Variants in TNR observed in about 807,000 individuals in gnomAD.
TNR encodes tenascin R, also known as tenascin-R.
A neutral mutation model predicts 150.4 loss-of-function variants in TNR; 45 were observed. The ratio of observed to expected loss-of-function variants is 0.30; its 90% CI spans 0.24 to 0.38. TNR has a LOEUF of 0.38. Among genes scored for constraint, TNR ranks in the 10% least tolerant of loss-of-function variants. TNR has a pLI of 1.00. For missense variants in TNR, 1,544 were observed against 1,759.1 expected, an observed-to-expected ratio of 0.88 and a Z score of 2.19; for synonymous variants, 687 against 678.4, an observed-to-expected ratio of 1.01 and a Z score of -0.20.
At chr1:175,554,590 G>A (rs997653431) in intron 1 of TNR, among the ~76,000 whole-genome samples, 6 of 152,298 alleles carry the variant, frequency 3.9e-5, no homozygotes, top group Non-Finnish European at 8.8e-5. Flanking sequence ...GCAAAATTGT[G>A]TTTGCCAAGA....
intron 1 of TNR, among the ~76,000 whole-genome samples, chr1:175,607,717 C>G (rs944036318): frequency 2.0e-5 from 3 of 152,192 alleles, no homozygotes; most frequent in Non-Finnish European, 4.4e-5. Context: ...GAAGGGCCAA[C>G]AGTGATGGAG....
chr1:175,348,051 A>G (rs1650881322), intron 18 of TNR, among the ~76,000 whole-genome samples: 1 of 152,230 alleles, frequency 6.6e-6, no homozygotes, highest in South Asian at 2.1e-4. Context: ...AAGAGAGTTC[A>G]GCAGGATTGC....
intron 1 of TNR, among the ~76,000 whole-genome samples, chr1:175,610,404 G>A (rs1663555774): frequency 6.6e-6 from 1 of 152,226 alleles, no homozygotes; most frequent in Non-Finnish European, 1.5e-5. Context: ...TGAAGGATTA[G>A]CTAAACAGCT....
At chr1:175,709,342 C>CAT (rs1491324215) in intron 1 of TNR, among the ~76,000 whole-genome samples, 1 of 151,658 alleles carries the variant, frequency 6.6e-6, no homozygotes, top group African/African-American at 2.4e-5. Flanking sequence ...CACACACACA[C>CAT]GCACTTCCAA....
At chr1:175,356,972 G>A (rs902699020) in intron 15 of TNR, among the ~76,000 whole-genome samples, 1 of 152,226 alleles carries the variant, frequency 6.6e-6, no homozygotes, top group African/African-American at 2.4e-5. Context: ...AACAGGGTCA[G>A]TCTGTGCTTG....
intron 1 of TNR, among the ~76,000 whole-genome samples, chr1:175,653,842 G>C (rs1010061774): frequency 6.6e-6 from 1 of 151,854 alleles, no homozygotes; most frequent in Non-Finnish European, 1.5e-5. Flanking sequence ...CTTGAATGTG[G>C]GTTTTGTTAG....
intron 2 of TNR, among the ~76,000 whole-genome samples, chr1:175,523,611 C>A (rs571971527): frequency 2.0e-5 from 3 of 152,258 alleles, no homozygotes; most frequent in East Asian, 1.9e-4. Context: ...TCATGGAGAA[C>A]GGAGGAGATT....
intron 1 of TNR, among the ~76,000 whole-genome samples, chr1:175,626,978 T>C (rs1664175013): frequency 6.6e-6 from 1 of 152,216 alleles, no homozygotes; most frequent in South Asian, 2.1e-4. Context: ...CCCCAGAAGC[T>C]GGAAGAGCAA....
At chr1:175,508,252 T>C (rs1251462884) in intron 2 of TNR, among the ~76,000 whole-genome samples, 1 of 152,232 alleles carries the variant, frequency 6.6e-6, no homozygotes, top group African/African-American at 2.4e-5. Context: ...GTTCTGCATA[T>C]GTATCCTAGA....
intron 22 of TNR, 141 bp downstream of exon 22, chr1:175,324,215 C>T: frequency 2.0e-6 from 2 of 982,226 alleles, no homozygotes; most frequent in Non-Finnish European, 3.0e-6. Context: ...ATCCCATTGT[C>T]TGCATTATTT....
At chr1:175,366,984 G>T (rs907649087) in intron 10 of TNR, among the ~76,000 whole-genome samples, 1 of 152,164 alleles carries the variant, frequency 6.6e-6, no homozygotes, top group Non-Finnish European at 1.5e-5. Context: ...CAGACCACGG[G>T]GGACCGAGCA....
At chr1:175,650,638 T>C (rs944816827) in intron 1 of TNR, among the ~76,000 whole-genome samples, 15 of 145,392 alleles carry the variant, frequency 1.0e-4, no homozygotes, top group South Asian at 2.3e-4. Context: ...CACCTCAATA[T>C]TACCCATCAA....
intron 2 of TNR, among the ~76,000 whole-genome samples, chr1:175,410,420 A>G (rs764598456): frequency 2.6e-5 from 4 of 152,242 alleles, no homozygotes; most frequent in Admixed American, 6.5e-5. Flanking sequence ...CACAAGCAAT[A>G]TAACGACAAT....
At chr1:175,331,184 TCC>T (rs771761443) in intron 20 of TNR, among the ~76,000 whole-genome samples, 5 of 62,056 alleles carry the variant, frequency 8.1e-5, no homozygotes, top group Admixed American at 2.4e-4. Context: ...CTTCCTTCCT[TCC>T]TTCCTTCCTT....
At chr1:175,448,009 T>C (rs1442193755) in intron 2 of TNR, among the ~76,000 whole-genome samples, 1 of 152,166 alleles carries the variant, frequency 6.6e-6, no homozygotes, top group East Asian at 1.9e-4. Context: ...GCTCATTGCT[T>C]TCCACTAGGA....
chr1:175,702,555 A>G (rs1666727775), intron 1 of TNR, among the ~76,000 whole-genome samples: 1 of 152,228 alleles, frequency 6.6e-6, no homozygotes, highest in South Asian at 2.1e-4. Flanking sequence ...TGGTTATCCC[A>G]TGCTGAAATG....
At chr1:175,551,737 T>C (rs997398509) in intron 1 of TNR, among the ~76,000 whole-genome samples, 17 of 152,230 alleles carry the variant, frequency 1.1e-4, no homozygotes, top group Non-Finnish European at 2.2e-4. Flanking sequence ...AGAAATGTGA[T>C]CATTGGTCTC....
At chr1:175,650,257 C>T (rs1249237036) in intron 1 of TNR, among the ~76,000 whole-genome samples, 1 of 151,980 alleles carries the variant, frequency 6.6e-6, no homozygotes, top group East Asian at 1.9e-4. Flanking sequence ...GTGGAGCATG[C>T]CTGTAATTCC....
intron 5 of TNR, among the ~76,000 whole-genome samples, chr1:175,395,224 C>G (rs1389512720): frequency 6.6e-6 from 1 of 152,186 alleles, no homozygotes; most frequent in Non-Finnish European, 1.5e-5. Flanking sequence ...TGTCTCTATC[C>G]TTGCATCCTT....
Sources: allele counts gnomAD v4.1 joint callset (sites outside exome capture counted in the v4.1 genomes callset), GRCh38; gene constraint gnomAD v4.1.1; transcripts MANE v1.5; gene names NCBI Gene and HGNC (gene_info 2026-07-23, HGNC 2026-07-21).